The following SEMA3B variants were observed in gnomAD, a reference collection of about 807,000 sequenced individuals.
The protein encoded by SEMA3B is semaphorin 3B.
A neutral mutation model predicts 77.8 loss-of-function variants in SEMA3B; 71 were observed. That is an observed-to-expected ratio of 0.91 (90% confidence interval 0.75 to 1.11). SEMA3B has a LOEUF of 1.11. Ranked by LOEUF, SEMA3B falls within the 50% of genes most tolerant of loss-of-function variation. The pLI, the probability that SEMA3B is intolerant of heterozygous loss-of-function variation, is 0.00. For missense variants in SEMA3B, 968 were observed against 1,056.8 expected, an observed-to-expected ratio of 0.92 and a Z score of 1.17; for synonymous variants, 470 against 452.9, an observed-to-expected ratio of 1.04 and a Z score of -0.48.
upstream of SEMA3B, among the ~76,000 whole-genome samples, chr3:50,264,134 C>T (rs587761309): frequency 3.3e-5 from 5 of 152,106 alleles, no homozygotes; most frequent in African/African-American, 7.2e-5. Context: ...CACTTGAGCT[C>T]GGCAGGTTGA....
At position 50,274,845 on chromosome 3, in the gene SEMA3B, G is replaced by C. The variant is rs781886250; in HGVS notation, c.1360G>C (p.Val454Leu). Reference protein sequence around the residue: ...HYDVLFIGTDVGTVLKVISVP... With the variant: ...HYDVLFIGTDLGTVLKVISVP... ...ATTACCCCTTCTCATCCCTGCAGAC[G>C]TTGGCACGGTGCTGAAGGTGATCTC... is the stretch of plus-strand genomic sequence containing the variant. The change falls in exon 12 of 17, where the codon GTT becomes CTT. Residue 454 changes from valine to leucine, a missense_variant and splice_region_variant. Physicochemically the swap from Val to Leu is conservative, Grantham distance 32. Coordinates refer to ENST00000616701, the MANE Select transcript of SEMA3B (RefSeq NM_001290060.2). This position sits in a 1 kb window ranked among gnomAD's most constrained non-coding sequence, Gnocchi z 4.7. The C allele has an allele frequency of 6.2e-7, 1 of 1,610,728 alleles. No individual in the cohort carries two copies. The highest frequency in any genetic ancestry group is 8.5e-7 in the Non-Finnish European group (1 of 1,179,680).
chr3:50,275,400 T>C lies in SEMA3B; in HGVS notation c.1590T>C (p.Arg530=), dbSNP rs1692322434. The part of the protein sequence containing the change: ...GRVCTECCLA[R]DPYCAWDGVA... The stretch of plus-strand genomic sequence containing the variant: ...TCTGCACCGAATGCTGTCTGGCGCG[T>C]GACCCCTACTGCGCCTGGGACGGGG... The change falls in exon 14 of 17, where the codon CGT becomes CGC. Residue 530 remains arginine (R), a synonymous_variant. Coordinates refer to ENST00000616701, the MANE Select transcript of SEMA3B (RefSeq NM_001290060.2). The surrounding 1 kb of genome is among the most constrained non-coding windows in gnomAD (Gnocchi z 7.5). The C allele has an allele frequency of 1.3e-6, 2 of 1,596,114 alleles. No homozygotes were observed. The highest frequency in any genetic ancestry group is 2.7e-5 in the African/African-American group (2 of 74,506).
chr3:50,261,088 C>G, the SEMA3B span: 1 of 152,290 alleles, frequency 6.6e-6, no homozygotes, highest in Non-Finnish European at 1.5e-5. Flanking sequence ...CCCCTGCTGC[C>G]TGGAGCTGTC....
Position 50,275,026 on chromosome 3 carries a change from C to A in SEMA3B, c.1464C>A (p.Val488=). The A allele has an allele frequency of 6.3e-7, 1 of 1,591,034 alleles. No individual in the cohort carries two copies. The highest frequency in any genetic ancestry group is 1.3e-5 in the African/African-American group (1 of 74,730). ...ELHVFEDSAA[V]TSMQISSKRH... ...CTCCCTCTCAGGACTCGGCCGCTGT[C>A]ACCAGCATGCAAATTTCTTCCAAGA... is the stretch of plus-strand genomic sequence containing the variant. Residue 488 remains valine (V), a synonymous_variant, in exon 13 of 17, where the codon GTC becomes GTA. Transcript: ENST00000616701. This position sits in a 1 kb window ranked among gnomAD's most constrained non-coding sequence, Gnocchi z 7.5.
rs184456644 is a variant in SEMA3B, at chr3:50,277,186, A to G, written c.*480A>G. On this transcript the variant is annotated 3_prime_UTR_variant, in exon 17 of 17. Coordinates refer to ENST00000616701, the MANE Select transcript of SEMA3B (RefSeq NM_001290060.2). ...GAAAACCCCAGTCCTCGGCCTTGCTATGTGGTCTTGGGCACCTTACTAGCG... is the reference window on the plus strand; with the variant it reads ...GAAAACCCCAGTCCTCGGCCTTGCTGTGTGGTCTTGGGCACCTTACTAGCG... 6.4e-6 allele frequency: 1 copy of G among 156,368 alleles called. No individual in the cohort carries two copies. Among genetic ancestry groups the G allele is most frequent in the South Asian group, 2.0e-4 (1 of 4,966 alleles). The allele number at this position is 156,368 out of a possible 1,614,324, so 9.7% of individuals were successfully genotyped here.
upstream of SEMA3B, among the ~76,000 whole-genome samples, chr3:50,262,799 G>T (rs1370714906): frequency 6.6e-6 from 1 of 152,226 alleles, no homozygotes; most frequent in Non-Finnish European, 1.5e-5. Context: ...CTGGGACAGG[G>T]TTAAGGGGTG....
At position 50,272,879 on chromosome 3, in the gene SEMA3B, T is replaced by TAAA. The variant is rs1553705620; in HGVS notation, c.665-418_665-416dup. ...CAAATAATAATAATAATAATAATAA[T>TAAA]AAAGAGCAATGGGACCCAGCAGAAG... On this transcript the variant is annotated intron_variant, in intron 6 of 16. Coordinates refer to ENST00000616701, the MANE Select transcript of SEMA3B (RefSeq NM_001290060.2). 1.9e-3 allele frequency among the ~76,000 whole-genome samples: 284 copies of TAAA among 150,048 alleles called. 12 individuals are homozygous for TAAA. The highest frequency in any genetic ancestry group is 5.6e-3 in the African/African-American group (228 of 40,964).
At position 50,273,829 on chromosome 3, in the gene SEMA3B, G is replaced by T; in HGVS notation, c.992+1G>T. The T allele has an allele frequency of 6.3e-7, 1 of 1,576,820 alleles. No individual in the cohort carries two copies. The highest frequency in any genetic ancestry group is 8.6e-7 in the Non-Finnish European group (1 of 1,160,670). ...TCTATGCCGTCTTCTCCACGTCCAG[G>T]TGAGGGGCAGGAGGTAGGGAGCGCC... On this transcript the variant is annotated splice_donor_variant, in intron 9 of 16. Coordinates refer to ENST00000616701, the MANE Select transcript of SEMA3B (RefSeq NM_001290060.2). LOFTEE classifies it high-confidence loss of function. The surrounding 1 kb of genome is among the most constrained non-coding windows in gnomAD (Gnocchi z 6.5).
chr3:50,269,391 G>T lies in SEMA3B; in HGVS notation c.109+42G>T. 8.3e-7 allele frequency: 1 copy of T among 1,205,360 alleles called. No homozygotes were observed. 74.7% of individuals were successfully genotyped at this position (1,205,360 alleles called of 1,614,324 possible). ...GGCGGGAGGGCCCAGCTTGAGGTGG[G>T]CAGGAAAGGGTCCCCGTATGGCCAG... On this transcript the variant is annotated intron_variant, in intron 1 of 16. Coordinates refer to ENST00000616701, the MANE Select transcript of SEMA3B (RefSeq NM_001290060.2). This position sits in a 1 kb window ranked among gnomAD's most constrained non-coding sequence, Gnocchi z 4.0.
rs1553706360 is a variant in SEMA3B at position 50,275,398 on chromosome 3, C to T, written c.1588C>T (p.Arg530Cys). Reference protein sequence around the residue: ...GRVCTECCLARDPYCAWDGVA... With the variant: ...GRVCTECCLACDPYCAWDGVA... ...CGTCTGCACCGAATGCTGTCTGGCG[C>T]GTGACCCCTACTGCGCCTGGGACGG... The change falls in exon 14 of 17, where the codon CGT (arginine) becomes TGT (cysteine). Residue 530 changes from arginine (R) to cysteine (C), a missense_variant. Physicochemically the swap from Arg to Cys is radical, Grantham distance 180. Coordinates refer to ENST00000616701, the MANE Select transcript of SEMA3B (RefSeq NM_001290060.2). This position sits in a 1 kb window ranked among gnomAD's most constrained non-coding sequence, Gnocchi z 7.5. The T allele has an allele frequency of 4.4e-6, 7 of 1,595,512 alleles. No homozygotes were observed. The highest frequency in any genetic ancestry group is 5.1e-6 in the Non-Finnish European group (6 of 1,171,778).
rs781915173 is a variant in SEMA3B, at chr3:50,275,385, A to T, written c.1575A>T (p.Glu525Asp). 2 of 1,591,500 alleles carry T rather than the reference A, an allele frequency of 1.3e-6. No individual in the cohort carries two copies. Among genetic ancestry groups the T allele is most frequent in the Non-Finnish European group, 1.7e-6 (2 of 1,170,010 alleles). ...RCAAHGRVCT[E>D]CCLARDPYCA... The stretch of plus-strand genomic sequence containing the variant: ...CTGCCCACGGCCGCGTCTGCACCGA[A>T]TGCTGTCTGGCGCGTGACCCCTACT... The change falls in exon 14 of 17, where the codon GAA becomes GAT. Residue 525 changes from glutamate to aspartate, a missense_variant. By Grantham distance (45) the Glu-to-Asp change is conservative. Transcript: ENST00000616701. This position sits in a 1 kb window ranked among gnomAD's most constrained non-coding sequence, Gnocchi z 7.5.
rs1701120158 is a variant in SEMA3B, at chr3:50,273,563, TCAA to T, written c.843_845del (p.Asn281del). The T allele has an allele frequency of 6.2e-7, 1 of 1,613,076 alleles. No individual in the cohort carries two copies. The highest frequency in any genetic ancestry group is 1.1e-5 in the South Asian group (1 of 91,060). ...GACGTGGGCGGCCAGCGCAGCCTGGTCAACAAGTGGACGACGTTCCTGAAGGCG... is the reference window on the plus strand; with the variant it reads ...GACGTGGGCGGCCAGCGCAGCCTGGTCAAGTGGACGACGTTCCTGAAGGCG... On this transcript the variant is annotated inframe_deletion, in exon 8 of 17. Transcript: ENST00000616701. The surrounding 1 kb of genome is among the most constrained non-coding windows in gnomAD (Gnocchi z 6.5).
chr3:50,264,035 C>CA (rs71631050), upstream of SEMA3B, among the ~76,000 whole-genome samples: 26 of 149,918 alleles, frequency 1.7e-4, 1 homozygote, highest in South Asian at 1.3e-3. Flanking sequence ...TCATCTCTAC[C>CA]AAAAAAAAAT....
upstream of SEMA3B, among the ~76,000 whole-genome samples, chr3:50,268,594 T>A (rs1351439663): frequency 6.6e-6 from 1 of 152,142 alleles, no homozygotes; most frequent in East Asian, 1.9e-4. Context: ...CATGCGCACA[T>A]CACAAGGGGA....
At position 50,274,137 on chromosome 3, in the gene SEMA3B, G is replaced by A; in HGVS notation, c.1137+80G>A. 1.9e-6 allele frequency: 3 copies of A among 1,562,524 alleles called. No individual in the cohort carries two copies. Among genetic ancestry groups the A allele is most frequent in the Non-Finnish European group, 2.6e-6 (3 of 1,158,274 alleles). On this transcript the variant is annotated intron_variant, in intron 10 of 16. Coordinates refer to ENST00000616701, the MANE Select transcript of SEMA3B (RefSeq NM_001290060.2). The surrounding 1 kb of genome is among the most constrained non-coding windows in gnomAD (Gnocchi z 4.7). Reference sequence around the variant, plus strand: ...GAACTTGGCCTGGGGTCTTCTTGGTGAATGTGGTTTCTTCCTTTAGTTATG... The same window carrying A: ...GAACTTGGCCTGGGGTCTTCTTGGTAAATGTGGTTTCTTCCTTTAGTTATG...
chr3:50,273,712 C>T lies in SEMA3B; in HGVS notation c.923-47C>T, dbSNP rs1428917146. The stretch of plus-strand genomic sequence containing the variant: ...CGGCGCAGACTCCGGGAGCCCCCGC[C>T]GCAGCGGGGCTGTGCGCCCTACCCC... On this transcript the variant is annotated intron_variant, in intron 8 of 16. Coordinates refer to ENST00000616701, the MANE Select transcript of SEMA3B (RefSeq NM_001290060.2). The surrounding 1 kb of genome is among the most constrained non-coding windows in gnomAD (Gnocchi z 6.5). 1.9e-6 allele frequency: 3 copies of T among 1,602,900 alleles called. No individual in the cohort carries two copies. Among genetic ancestry groups the T allele is most frequent in the Non-Finnish European group, 2.5e-6 (3 of 1,177,802 alleles).
At chr3:50,271,938 A>G (rs1701065807) in intron 6 of SEMA3B, among the ~76,000 whole-genome samples, 3 of 152,190 alleles carry the variant, frequency 2.0e-5, no homozygotes, top group Admixed American at 1.3e-4. Context: ...AGAGCTAGCA[A>G]TGAAAAGGGG....
rs781899413 is a variant in SEMA3B at position 50,275,559 on chromosome 3, G to A, written c.1650-1G>A. The A allele has an allele frequency of 6.2e-7, 1 of 1,613,686 alleles. No individual in the cohort carries two copies. Among genetic ancestry groups the A allele is most frequent in the Non-Finnish European group, 8.5e-7 (1 of 1,179,886 alleles). ...CACAGAAGATCGGATGTTCCCCACA[G>A]GCGGTTCCGGCGGCAAGACGTAAGG... On this transcript the variant is annotated splice_acceptor_variant, in intron 14 of 16. Coordinates refer to ENST00000616701, the MANE Select transcript of SEMA3B (RefSeq NM_001290060.2). LOFTEE classifies it high-confidence loss of function. The surrounding 1 kb of genome is among the most constrained non-coding windows in gnomAD (Gnocchi z 7.5).
rs782794773 is a variant in SEMA3B, at chr3:50,273,611, C to T, written c.887C>T (p.Pro296Leu). ...AAGGCGCGGCTGGTGTGCTCGGTGC[C>T]CGGCGTCGAGGGCGACACCCACTTC... ...FLKARLVCSV[P>L]GVEGDTHFDQ... Residue 296 changes from proline (P) to leucine (L), a missense_variant, in exon 8 of 17, where the codon CCC (proline) becomes CTC (leucine). Physicochemically the swap from Pro to Leu is moderately conservative, Grantham distance 98. Transcript: ENST00000616701. The surrounding 1 kb of genome is among the most constrained non-coding windows in gnomAD (Gnocchi z 6.5). 256 of 1,612,496 alleles carry T rather than the reference C, an allele frequency of 1.6e-4. No homozygotes were observed. Among genetic ancestry groups the T allele is most frequent in the Non-Finnish European group, 2.1e-4 (252 of 1,179,696 alleles).
Sources: allele counts gnomAD v4.1 joint callset (sites outside exome capture counted in the v4.1 genomes callset), GRCh38; gene constraint gnomAD v4.1.1; non-coding constraint Gnocchi (gnomAD v3.1); transcripts MANE v1.5; gene names NCBI Gene and HGNC (gene_info 2026-07-23, HGNC 2026-07-21).